Variants in CAMK4 observed in about 807,000 individuals in gnomAD.
CAMK4 encodes calcium/calmodulin dependent protein kinase IV.
In CAMK4, 22 loss-of-function variants were observed where a neutral mutation model predicts 44.9. That is an observed-to-expected ratio of 0.49 (90% CI 0.35 to 0.70). The LOEUF is 0.70. Among genes scored for constraint, CAMK4 ranks in the 30% least tolerant of loss-of-function variants. The pLI is 0.01. For missense variants in CAMK4, 498 were observed against 586.8 expected (o/e 0.85, Z 1.56); for synonymous variants, 218 against 215.4 (o/e 1.01, Z -0.11).
intron 8 of CAMK4, among the ~76,000 whole-genome samples, chr5:111,477,182 T>G (rs1408925778): frequency 6.6e-6 from 1 of 152,148 alleles, no homozygotes; most frequent in African/African-American, 2.4e-5. Context: ...CTGTGCAGAC[T>G]GCTCAGTAGG....
chr5:111,431,331 C>T (rs1391704854), intron 5 of CAMK4, among the ~76,000 whole-genome samples: 1 of 152,116 alleles, frequency 6.6e-6, no homozygotes, highest in Non-Finnish European at 1.5e-5. Context: ...AAACTAGACC[C>T]CTATGTCTTG....
intron 5 of CAMK4, 76 bp from the exon 6 acceptor site, chr5:111,446,610 C>A: frequency 2.6e-6 from 2 of 755,984 alleles, no homozygotes; most frequent in Non-Finnish European, 4.5e-6. Flanking sequence ...ACTTATAGTT[C>A]TTAAAAGATT....
chr5:111,311,940 G>C (rs572568302), intron 1 of CAMK4, among the ~76,000 whole-genome samples: 1 of 152,054 alleles, frequency 6.6e-6, no homozygotes, highest in East Asian at 1.9e-4. Flanking sequence ...CAGATCTCTT[G>C]GTATGTGTAG....
chr5:111,233,235 T>C (rs1748556690), intron 1 of CAMK4, among the ~76,000 whole-genome samples: 1 of 152,242 alleles, frequency 6.6e-6, no homozygotes, highest in Admixed American at 6.5e-5. Flanking sequence ...TCTTAACTTA[T>C]TCAAGGAACT....
chr5:111,232,881 A>G (rs1223458759), intron 1 of CAMK4, among the ~76,000 whole-genome samples: 3 of 152,168 alleles, frequency 2.0e-5, no homozygotes, highest in Admixed American at 2.0e-4. Flanking sequence ...AAAAAGAGAC[A>G]GTAAGTATTT....
At chr5:111,375,670 T>G (rs982226405) in intron 3 of CAMK4, among the ~76,000 whole-genome samples, 2 of 152,268 alleles carry the variant, frequency 1.3e-5, no homozygotes, top group Middle Eastern at 6.8e-3. Flanking sequence ...TTGAATAGGA[T>G]GATTTAAACA....
chr5:111,364,071 C>A (rs1363138347), intron 2 of CAMK4, among the ~76,000 whole-genome samples: 3 of 152,018 alleles, frequency 2.0e-5, no homozygotes, highest in Non-Finnish European at 4.4e-5. Flanking sequence ...ATTTCCTCTA[C>A]TCCCAGGTGA....
chr5:111,316,544 C>G (rs1027870041), intron 1 of CAMK4, among the ~76,000 whole-genome samples: 1 of 152,078 alleles, frequency 6.6e-6, no homozygotes, highest in Non-Finnish European at 1.5e-5. Flanking sequence ...AGGACTGGCC[C>G]CTTAGCTTTA....
At chr5:111,281,136 G>T (rs2112604009) in intron 1 of CAMK4, among the ~76,000 whole-genome samples, 1 of 152,268 alleles carries the variant, frequency 6.6e-6, no homozygotes, top group African/African-American at 2.4e-5. Flanking sequence ...GCCCTAGTTT[G>T]CTAGGTGTCA....
At chr5:111,339,663 G>A (rs1317618921) in intron 1 of CAMK4, among the ~76,000 whole-genome samples, 1 of 151,260 alleles carries the variant, frequency 6.6e-6, no homozygotes, top group Non-Finnish European at 1.5e-5. Context: ...GTAGTGTGAT[G>A]TTTCTAGCTT....
chr5:111,371,884 A>G (rs1751019182), intron 2 of CAMK4, among the ~76,000 whole-genome samples: 1 of 152,168 alleles, frequency 6.6e-6, no homozygotes, highest in Admixed American at 6.5e-5. Flanking sequence ...AATGACATCA[A>G]AACAATTGAC....
chr5:111,430,188 G>A (rs1341574278), intron 5 of CAMK4, among the ~76,000 whole-genome samples: 2 of 152,126 alleles, frequency 1.3e-5, no homozygotes, highest in South Asian at 4.1e-4. Context: ...AATGTGACAT[G>A]TCATATCAAC....
At chr5:111,416,524 GAT>G (rs1426766604) in intron 5 of CAMK4, 1 of 152,172 alleles carries the variant, frequency 6.6e-6, no homozygotes, top group African/African-American at 2.4e-5. Flanking sequence ...AATATTCCAA[GAT>G]ACATAGAACC....
intron 4 of CAMK4, among the ~76,000 whole-genome samples, chr5:111,390,269 G>A (rs951209669): frequency 1.3e-5 from 2 of 152,086 alleles, no homozygotes; most frequent in African/African-American, 4.8e-5. Context: ...GGAAAATGAG[G>A]TAATTGAAAT....
At chr5:111,330,378 A>G (rs538142777) in intron 1 of CAMK4, among the ~76,000 whole-genome samples, 1 of 151,756 alleles carries the variant, frequency 6.6e-6, no homozygotes, top group Non-Finnish European at 1.5e-5. Context: ...CTGTAAATGG[A>G]TTGGAGGACT....
chr5:111,237,452 A>C (rs1188864049), intron 1 of CAMK4, among the ~76,000 whole-genome samples: 2 of 152,260 alleles, frequency 1.3e-5, no homozygotes, highest in Non-Finnish European at 2.9e-5. Context: ...TCTAAGCCTG[A>C]AAGGCTTTCT....
intron 4 of CAMK4, among the ~76,000 whole-genome samples, chr5:111,385,402 A>G (rs1009665636): frequency 3.3e-5 from 5 of 152,152 alleles, no homozygotes; most frequent in Non-Finnish European, 4.4e-5. Context: ...GGAAGGGCCT[A>G]TTGTGGCAAA....
At chr5:111,305,155 A>G (rs1473450617) in intron 1 of CAMK4, among the ~76,000 whole-genome samples, 2 of 97,190 alleles carry the variant, frequency 2.1e-5, no homozygotes, top group Non-Finnish European at 4.1e-5. Context: ...GAAAGATCCA[A>G]AATTGACACC....
At chr5:111,477,570 C>G (rs1412240791) in intron 8 of CAMK4, among the ~76,000 whole-genome samples, 1 of 152,156 alleles carries the variant, frequency 6.6e-6, no homozygotes, top group Non-Finnish European at 1.5e-5. Flanking sequence ...GCTTGGTGGT[C>G]ACAAACAACT....
Sources: gnomAD v4.1 joint callset for allele counts (sites outside exome capture counted in the v4.1 genomes callset) on GRCh38, gnomAD v4.1.1 for gene constraint, MANE v1.5 for transcripts, NCBI Gene and HGNC (gene_info 2026-07-23, HGNC 2026-07-21) for gene names.